The following KDM8 variants were observed in gnomAD, a reference collection of about 807,000 sequenced individuals.
KDM8 encodes lysine demethylase 8, also known as bifunctional peptidase and arginyl-hydroxylase JMJD5.
A neutral mutation model predicts 46.9 loss-of-function variants in KDM8; 35 were observed. The observed-to-expected ratio is 0.75, with a 90% CI of 0.57 to 0.99. KDM8 has a LOEUF of 0.99. Ranked by LOEUF, KDM8 falls within the 50% of genes least tolerant of loss-of-function variation. KDM8 has a pLI of 0.00. For missense variants in KDM8, 475 were observed against 537.0 expected, an observed-to-expected ratio of 0.88 and a Z score of 1.14; for synonymous variants, 232 against 227.7, an observed-to-expected ratio of 1.02 and a Z score of -0.17.
In KDM8 at chr16:27,210,201, G is replaced by T; in HGVS notation, c.78G>T (p.Leu26=). The T allele has an allele frequency of 6.2e-7, 1 of 1,613,416 alleles. No individual in the cohort carries two copies. The highest frequency in any genetic ancestry group is 1.1e-5 in the South Asian group (1 of 91,090). ...TATGGGAGGCCCTCAGGGCGCTCCT[G>T]CCGCACAGTAAAGAAGACCTGAAGT... ...GTLWEALRAL[L]PHSKEDLKLD... Residue 26 remains leucine (L), a synonymous_variant, in exon 2 of 8, where the codon CTG becomes CTT. Transcript: ENST00000286096.
chr16:27,221,160 T>C lies in KDM8; in HGVS notation c.*430T>C. ...AGGATCCCCCACTTCGCTGTGCCCA[T>C]ATGGAAAAGAGGGCAAGGCCAGTCC... On this transcript the variant is annotated 3_prime_UTR_variant, in exon 8 of 8. Transcript: ENST00000286096. 1 of 329,804 alleles carries C rather than the reference T, an allele frequency of 3.0e-6. No individual in the cohort carries two copies. The highest frequency in any genetic ancestry group is 2.5e-5 in the South Asian group (1 of 40,284). The allele number at this position is 329,804 out of a possible 1,614,324, so 20.4% of individuals were successfully genotyped here.
Position 27,220,440 on chromosome 16 carries a change from G to T in KDM8, c.1041G>T (p.Gly347=), listed in dbSNP as rs566408197. The stretch of plus-strand genomic sequence containing the variant: ...GGCTGTATTCCCCGCAGGAGTCAGG[G>T]GCTCTGTACCCTCATGACACGCACC... ...YIRLYSPQES[G]ALYPHDTHLL... Residue 347 remains glycine, a synonymous_variant, in exon 7 of 8, where the codon GGG becomes GGT. Coordinates refer to ENST00000286096, the MANE Select transcript of KDM8 (RefSeq NM_024773.3). The T allele has an allele frequency of 1.2e-6, 2 of 1,614,112 alleles. No homozygotes were observed. Among genetic ancestry groups the T allele is most frequent in the East Asian group, 2.2e-5 (1 of 44,858 alleles).
intron 5 of KDM8, among the ~76,000 whole-genome samples, chr16:27,216,815 G>A (rs1391951533): frequency 6.6e-6 from 1 of 152,002 alleles, no homozygotes; most frequent in African/African-American, 2.4e-5. Flanking sequence ...GATTCTAATT[G>A]ATCAGGTCCC....
chr16:27,213,363 GAAAC>G (rs2083507612), intron 2 of KDM8: 1 of 485,364 alleles, frequency 2.1e-6, no homozygotes, highest in African/African-American at 2.0e-5. Flanking sequence ...AGTTTATAAT[GAAAC>G]AAACATTTTT....
Position 27,204,025 on chromosome 16 carries a change from T to C in KDM8, c.-32+389T>C, listed in dbSNP as rs535204916. 21 of 1,384,328 alleles carry C rather than the reference T, an allele frequency of 1.5e-5. 1 individual carries two copies. Among genetic ancestry groups the C allele is most frequent in the African/African-American group, 1.3e-4 (9 of 69,106 alleles). The allele number at this position is 1,384,328 out of a possible 1,614,324, so 85.8% of individuals were successfully genotyped here. Reference sequence around the variant, plus strand: ...CTGCTATATGTGTGTCCGCTGCTTTTAGGCAACCAGCCGCTGCCCCTGGGC... The same window carrying C: ...CTGCTATATGTGTGTCCGCTGCTTTCAGGCAACCAGCCGCTGCCCCTGGGC... On this transcript the variant is annotated intron_variant, in intron 1 of 7. Transcript: ENST00000286096.
intron 6 of KDM8, 145 bp from the exon 7 acceptor site, chr16:27,220,248 A>G (rs2083602775): frequency 2.8e-6 from 2 of 717,564 alleles, no homozygotes; most frequent in African/African-American, 1.8e-5. Flanking sequence ...AGAAAAACAT[A>G]CACGTGGAAC....
At position 27,214,939 on chromosome 16, in the gene KDM8, C is replaced by T. The variant is rs750955085; in HGVS notation, c.729C>T (p.Tyr243=). 6.2e-7 allele frequency: 1 copy of T among 1,614,182 alleles called. No homozygotes were observed. Among genetic ancestry groups the T allele is most frequent in the Non-Finnish European group, 8.5e-7 (1 of 1,180,006 alleles). The part of the protein sequence containing the change: ...RTVPVEVGSR[Y]TDEEWSQTLM... ...TCCCAGTGGAAGTTGGTTCGAGGTA[C>T]ACAGATGAGGAATGGTCCCAGACCC... Residue 243 remains tyrosine, a synonymous_variant, in exon 4 of 8, where the codon TAC becomes TAT. Coordinates refer to ENST00000286096, the MANE Select transcript of KDM8 (RefSeq NM_024773.3).
At chr16:27,214,683 A>G (rs2083527309) in intron 3 of KDM8, 193 bp from the exon 4 acceptor site, 2 of 614,846 alleles carry the variant, frequency 3.3e-6, no homozygotes, top group East Asian at 5.7e-5. Flanking sequence ...AGCACTGTGT[A>G]TGAGCCACAC....
At chr16:27,218,662 C>T (rs899740070) in intron 5 of KDM8, among the ~76,000 whole-genome samples, 1 of 152,056 alleles carries the variant, frequency 6.6e-6, no homozygotes, top group African/African-American at 2.4e-5. Context: ...TGCAACATGG[C>T]GAAACCCTGT....
intron 4 of KDM8, 24 bp from the exon 5 acceptor site, chr16:27,215,921 C>G (rs773361401): frequency 6.2e-7 from 1 of 1,613,882 alleles, no homozygotes; most frequent in African/African-American, 1.3e-5. Flanking sequence ...TCTGTGTTGC[C>G]TCTGGTTTTC....
intron 2 of KDM8, 100 bp downstream of exon 2, chr16:27,210,721 C>G (rs2083474953): frequency 2.6e-6 from 3 of 1,172,914 alleles, no homozygotes; most frequent in African/African-American, 3.1e-5. Flanking sequence ...GCCTCGTGGC[C>G]TGCAACCCCT....
chr16:27,218,169 C>A (rs1195352909), intron 5 of KDM8, among the ~76,000 whole-genome samples: 1 of 152,016 alleles, frequency 6.6e-6, no homozygotes, highest in Non-Finnish European at 1.5e-5. Context: ...GTGGTCCCAG[C>A]AATTTGGGAG....
rs897721102 is a variant in KDM8 at position 27,221,193 on chromosome 16, C to T, written c.*463C>T. On this transcript the variant is annotated 3_prime_UTR_variant, in exon 8 of 8. Transcript: ENST00000286096. ...AGAGGGCAAGGCCAGTCCTCACTGC[C>T]GAGGGCCGAGAAGGCGGTGCCGAGC... The T allele has an allele frequency of 1.0e-5, 3 of 296,852 alleles. No homozygotes were observed. Among genetic ancestry groups the T allele is most frequent in the South Asian group, 3.1e-5 (1 of 32,042 alleles). The allele number at this position is 296,852 out of a possible 1,614,324, so 18.4% of individuals were successfully genotyped here.
At chr16:27,219,559 G>A (rs2083595094) in intron 6 of KDM8, among the ~76,000 whole-genome samples, 1 of 152,220 alleles carries the variant, frequency 6.6e-6, no homozygotes, top group Non-Finnish European at 1.5e-5. Context: ...GTCTACTGCT[G>A]TAAGACCACC....
At chr16:27,208,728 T>C (rs1190217809) in intron 1 of KDM8, among the ~76,000 whole-genome samples, 2 of 152,148 alleles carry the variant, frequency 1.3e-5, no homozygotes, top group Non-Finnish European at 2.9e-5. Flanking sequence ...GATGGGCCCA[T>C]GTGGTGTCTT....
At position 27,220,597 on chromosome 16, in the gene KDM8, TC is replaced by T; in HGVS notation, c.1122del (p.Lys375SerfsTer22). The T allele has an allele frequency of 6.2e-7, 1 of 1,614,064 alleles. No individual in the cohort carries two copies. The highest frequency in any genetic ancestry group is 8.5e-7 in the Non-Finnish European group (1 of 1,180,026). On this transcript the variant is annotated frameshift_variant, in exon 8 of 8. Coordinates refer to ENST00000286096, the MANE Select transcript of KDM8 (RefSeq NM_024773.3). LOFTEE classifies it high-confidence loss of function. ...VDVENPDLEK[F>X]PKFAKAPFLS... ...GTGGAGAATCCCGACCTGGAAAAGT[TC>T]CCCAAGTTTGCCAAGGCCCCATTCC...
In KDM8 at chr16:27,217,608, C is replaced by T. The variant is rs564366708; in HGVS notation, c.844-1353C>T. Among the ~76,000 whole-genome samples the T allele has an allele frequency of 1.6e-4, 25 of 152,318 alleles. No homozygotes were observed. In the South Asian group the frequency reaches 4.1e-3, roughly 25 times the overall value. On this transcript the variant is annotated intron_variant, in intron 5 of 7. Transcript: ENST00000286096. ...CTGCACAGCTGATTTGAGACAGGTT[C>T]TTAAAGGTCTGAATAGCAGTGTCTG...
chr16:27,210,035 T>C (rs968997601), intron 1 of KDM8, 58 bp from the exon 2 acceptor site: 53 of 1,486,322 alleles, frequency 3.6e-5, no homozygotes, highest in Admixed American at 6.5e-5. Context: ...GCTGCGGGAA[T>C]GCACAGGGGA....
chr16:27,210,867 A>G (rs2083476437), intron 2 of KDM8, among the ~76,000 whole-genome samples: 1 of 152,178 alleles, frequency 6.6e-6, no homozygotes, highest in South Asian at 2.1e-4. Context: ...GACTCAAGCA[A>G]TCCTTCTGCC....
Sources: gnomAD v4.1 joint callset for allele counts (sites outside exome capture counted in the v4.1 genomes callset) on GRCh38, gnomAD v4.1.1 for gene constraint, MANE v1.5 for transcripts, NCBI Gene and HGNC (gene_info 2026-07-23, HGNC 2026-07-21) for gene names.